The following LSAMP variants were observed in gnomAD, a reference collection of about 807,000 sequenced individuals.
LSAMP encodes the protein limbic system associated membrane protein.
Under a neutral mutation model 38.6 loss-of-function variants are expected in LSAMP, and 7 were observed. That is an observed-to-expected ratio of 0.18 (90% CI 0.10 to 0.34). The LOEUF (loss-of-function observed/expected upper bound fraction) is 0.34, where lower values mean the gene tolerates loss of function less well. Ranked by LOEUF, LSAMP falls within the 10% of genes least tolerant of loss-of-function variation. The pLI is 1.00. For synonymous variants in LSAMP, 154 were observed against 166.8 expected (o/e 0.92, Z 0.59); for missense variants, 313 against 420.0 (o/e 0.75, Z 2.23).
At chr3:116,382,714 A>C (rs1576179217) in intron 1 of LSAMP, among the ~76,000 whole-genome samples, 1 of 152,216 alleles carries the variant, frequency 6.6e-6, no homozygotes, top group Middle Eastern at 3.4e-3. Flanking sequence ...CTGACCTCTG[A>C]TCTAAGGTCA....
chr3:116,168,989 C>T (rs1267153351), intron 1 of LSAMP, among the ~76,000 whole-genome samples: 1 of 152,002 alleles, frequency 6.6e-6, no homozygotes, highest in Non-Finnish European at 1.5e-5. Context: ...TCATTTGAGG[C>T]CAGAATTTTC....
chr3:116,188,076 C>T (rs1710665984), intron 1 of LSAMP, among the ~76,000 whole-genome samples: 1 of 152,050 alleles, frequency 6.6e-6, no homozygotes, highest in South Asian at 2.1e-4. Flanking sequence ...GCAAATCATT[C>T]CAACACATAA....
At chr3:116,296,573 T>TA (rs769121081) in intron 1 of LSAMP, among the ~76,000 whole-genome samples, 6 of 151,736 alleles carry the variant, frequency 4.0e-5, no homozygotes, top group African/African-American at 1.5e-4. Context: ...CGGGCGCCCG[T>TA]AGTCCCAGCT....
At chr3:116,403,829 C>G (rs1450637222) in intron 1 of LSAMP, among the ~76,000 whole-genome samples, 1 of 151,916 alleles carries the variant, frequency 6.6e-6, no homozygotes, top group Non-Finnish European at 1.5e-5. Flanking sequence ...ATAGCTCCTG[C>G]AGCCTCAAAT....
intron 1 of LSAMP, among the ~76,000 whole-genome samples, chr3:116,343,318 C>A (rs2048021682): frequency 6.6e-6 from 1 of 152,094 alleles, no homozygotes. Flanking sequence ...AGGTTTGTGA[C>A]CCTGAAAGTA....
chr3:116,388,326 TTTTG>T (rs1163290403), intron 1 of LSAMP, among the ~76,000 whole-genome samples: 1 of 152,140 alleles, frequency 6.6e-6, no homozygotes, highest in Admixed American at 6.5e-5. Flanking sequence ...GTTGAGTGTT[TTTTG>T]TTTGTTTGTT....
intron 3 of LSAMP, among the ~76,000 whole-genome samples, chr3:115,926,608 G>T (rs1305027669): frequency 6.6e-6 from 1 of 152,166 alleles, no homozygotes; most frequent in Non-Finnish European, 1.5e-5. Flanking sequence ...GAGTCCTGTG[G>T]GGGTGTGCTC....
At chr3:116,430,781 G>T (rs2107871443) in intron 1 of LSAMP, among the ~76,000 whole-genome samples, 1 of 152,058 alleles carries the variant, frequency 6.6e-6, no homozygotes, top group Non-Finnish European at 1.5e-5. Flanking sequence ...GATACTTAGA[G>T]CTAGGTCTTC....
chr3:116,279,249 C>T (rs1014898532), intron 1 of LSAMP, among the ~76,000 whole-genome samples: 1 of 152,120 alleles, frequency 6.6e-6, no homozygotes, highest in African/African-American at 2.4e-5. Context: ...AATAAATTAC[C>T]AGTCACAAGG....
chr3:115,930,765 A>G (rs1158727959), intron 3 of LSAMP, among the ~76,000 whole-genome samples: 1 of 151,920 alleles, frequency 6.6e-6, no homozygotes, highest in Non-Finnish European at 1.5e-5. Context: ...ATGAGAGGAG[A>G]TTAACAGCAA....
rs1707992870 is a variant in LSAMP at position 116,086,528 on chromosome 3, C to A, written c.184G>T (p.Val62Leu). Residue 62 changes from valine to leucine, a missense_variant, in exon 2 of 7, where the codon GTG becomes TTG. Coordinates refer to ENST00000490035, the MANE Select transcript of LSAMP (RefSeq NM_002338.5). ...RCVVEDKNSK[V>L]AWLNRSGIIF... ...ATGCCAGAACGGTTCAACCAGGCCA[C>A]CTTTGAGTTCTTGTCTTCTACAACG... The A allele has an allele frequency of 3.7e-6, 6 of 1,614,010 alleles. No homozygotes were observed. The highest frequency in any genetic ancestry group is 5.1e-6 in the Non-Finnish European group (6 of 1,180,018).
rs368027362 is a variant in LSAMP at position 116,003,054 on chromosome 3, T to G, written c.514+16461A>C. Among the ~76,000 whole-genome samples the G allele has an allele frequency of 2.6e-5, 4 of 152,272 alleles. 1 individual carries two copies. The highest frequency in any genetic ancestry group is 9.6e-5 in the African/African-American group (4 of 41,562). On this transcript the variant is annotated intron_variant, in intron 3 of 6. Transcript: ENST00000490035. ...TGGAGGAACAATATAGCCACTACCT[T>G]TATCAAGAGCTTAGCAGGGCAGGTA... is the stretch of plus-strand genomic sequence containing the variant.
intron 2 of LSAMP, among the ~76,000 whole-genome samples, chr3:116,071,523 A>G (rs562012986): frequency 6.6e-6 from 1 of 152,288 alleles, no homozygotes; most frequent in Non-Finnish European, 1.5e-5. Context: ...TACATATGAT[A>G]TATTGACCAT....
intron 1 of LSAMP, among the ~76,000 whole-genome samples, chr3:116,131,673 C>G (rs989413780): frequency 6.6e-6 from 1 of 152,094 alleles, no homozygotes; most frequent in Non-Finnish European, 1.5e-5. Context: ...TTTTCACTTA[C>G]ACAAACCAAT....
Position 116,086,536 on chromosome 3 carries a change from T to G in LSAMP, c.176A>C (p.Asn59Thr). The stretch of plus-strand genomic sequence containing the variant: ...ACGGTTCAACCAGGCCACCTTTGAG[T>G]TCTTGTCTTCTACAACGCACCTGAC... ...AILRCVVEDK[N>T]SKVAWLNRSG... The change falls in exon 2 of 7, where the codon AAC (asparagine) becomes ACC (threonine). Residue 59 changes from asparagine (N) to threonine (T), a missense_variant. Transcript: ENST00000490035. The G allele has an allele frequency of 6.2e-7, 1 of 1,614,138 alleles. No homozygotes were observed. The highest frequency in any genetic ancestry group is 1.1e-5 in the South Asian group (1 of 91,082).
At chr3:116,000,954 G>A (rs1020151507) in intron 3 of LSAMP, among the ~76,000 whole-genome samples, 1 of 152,122 alleles carries the variant, frequency 6.6e-6, no homozygotes, top group African/African-American at 2.4e-5. Flanking sequence ...CCTGAAATGA[G>A]TAAATTTTAA....
At chr3:116,151,355 A>AAC (rs1709606439) in intron 1 of LSAMP, among the ~76,000 whole-genome samples, 1 of 152,022 alleles carries the variant, frequency 6.6e-6, no homozygotes, top group Admixed American at 6.6e-5. Context: ...ATGTGAGCCG[A>AAC]ACTTTTAAGA....
intron 4 of LSAMP, among the ~76,000 whole-genome samples, chr3:115,847,894 T>G (rs571113464): frequency 6.6e-6 from 1 of 152,326 alleles, no homozygotes; most frequent in Admixed American, 6.5e-5. Flanking sequence ...GTGTGATGAT[T>G]ACAGTGAATT....
intron 1 of LSAMP, among the ~76,000 whole-genome samples, chr3:116,114,379 T>C (rs1708696381): frequency 6.6e-6 from 1 of 152,216 alleles, no homozygotes; most frequent in Admixed American, 6.5e-5. Flanking sequence ...TCCTAGGCAG[T>C]ACATGGGTTG....
Sources: allele counts gnomAD v4.1 joint callset (sites outside exome capture counted in the v4.1 genomes callset), GRCh38; gene constraint gnomAD v4.1.1; transcripts MANE v1.5; gene names NCBI Gene and HGNC (gene_info 2026-07-23, HGNC 2026-07-21).